TMTC1: variants seen among roughly 807,000 people sequenced by gnomAD.
TMTC1 encodes transmembrane O-mannosyltransferase targeting cadherins 1, also known as protein O-mannosyl-transferase TMTC1.
A neutral mutation model predicts 104.8 loss-of-function variants in TMTC1; 73 were observed. That is an observed-to-expected ratio of 0.70 (90% CI 0.58 to 0.85). The LOEUF is 0.85. TMTC1 is among the 40% of genes least tolerant of loss of function. The pLI is 0.00. For missense variants in TMTC1, 1,035 were observed against 1,096.1 expected (o/e 0.94, Z 0.79); for synonymous variants, 434 against 428.7 (o/e 1.01, Z -0.15).
chr12:29,691,408 A>G (rs2136757267), intron 5 of TMTC1, among the ~76,000 whole-genome samples: 1 of 152,010 alleles, frequency 6.6e-6, no homozygotes, highest in African/African-American at 2.4e-5. Flanking sequence ...ATCCTTAAAA[A>G]CTCAGGTCCC....
intron 5 of TMTC1, among the ~76,000 whole-genome samples, chr12:29,709,869 T>C (rs1941851067): frequency 6.6e-6 from 1 of 152,238 alleles, no homozygotes; most frequent in Admixed American, 6.5e-5. Flanking sequence ...GAGGTTGCTA[T>C]AGGAGTTTAA....
intron 10 of TMTC1, among the ~76,000 whole-genome samples, chr12:29,552,892 A>G (rs1314005456): frequency 6.6e-6 from 1 of 152,246 alleles, no homozygotes; most frequent in African/African-American, 2.4e-5. Context: ...GTCAAATCAA[A>G]TTGAAAGTGT....
intron 5 of TMTC1, among the ~76,000 whole-genome samples, chr12:29,679,645 T>C (rs1940845602): frequency 7.3e-6 from 1 of 137,326 alleles, no homozygotes; most frequent in African/African-American, 2.6e-5. Context: ...TGCTATCATT[T>C]ATCTAAGTAG....
intron 5 of TMTC1, among the ~76,000 whole-genome samples, chr12:29,750,328 A>G (rs2136968310): frequency 6.6e-6 from 1 of 152,278 alleles, no homozygotes. Flanking sequence ...AAATGCCCCC[A>G]GGCTAAGCCA....
At chr12:29,554,284 A>G (rs953548101) in intron 10 of TMTC1, among the ~76,000 whole-genome samples, 2 of 152,224 alleles carry the variant, frequency 1.3e-5, no homozygotes, top group African/African-American at 4.8e-5. Flanking sequence ...TTTTAAAAAG[A>G]GCCTCTTAGA....
At chr12:29,609,599 G>C (rs972302324) in intron 6 of TMTC1, among the ~76,000 whole-genome samples, 1 of 152,204 alleles carries the variant, frequency 6.6e-6, no homozygotes, top group Non-Finnish European at 1.5e-5. Flanking sequence ...TGTCTACTGA[G>C]GCTATCAAAG....
chr12:29,637,946 A>G (rs1938639309), intron 5 of TMTC1, among the ~76,000 whole-genome samples: 1 of 152,210 alleles, frequency 6.6e-6, no homozygotes, highest in Non-Finnish European at 1.5e-5. Flanking sequence ...CATTGGGTCC[A>G]CTGTACACAC....
intron 7 of TMTC1, among the ~76,000 whole-genome samples, chr12:29,603,371 CT>C (rs1205035226): frequency 6.6e-6 from 1 of 151,732 alleles, no homozygotes; most frequent in Non-Finnish European, 1.5e-5. Flanking sequence ...AAAGTTCATA[CT>C]TATAGAAGAA....
At chr12:29,547,119 G>A (rs1221715745) in intron 10 of TMTC1, among the ~76,000 whole-genome samples, 2 of 152,084 alleles carry the variant, frequency 1.3e-5, no homozygotes, top group Non-Finnish European at 2.9e-5. Context: ...AAGCAGTCTG[G>A]CCTGTTTAAT....
intron 2 of TMTC1, among the ~76,000 whole-genome samples, chr12:29,761,319 C>CGTAGGTTG (rs1943343954): frequency 1.3e-5 from 2 of 151,556 alleles, no homozygotes; most frequent in Non-Finnish European, 2.9e-5. Flanking sequence ...ATTGTGCAAC[C>CGTAGGTTG]TACTGTCAAA....
chr12:29,593,369 T>C (rs1243916645), intron 7 of TMTC1, among the ~76,000 whole-genome samples: 1 of 152,220 alleles, frequency 6.6e-6, no homozygotes, highest in African/African-American at 2.4e-5. Flanking sequence ...ACTCTATCAG[T>C]TACACATTAA....
At chr12:29,770,425 T>C (rs1480106574) in intron 1 of TMTC1, among the ~76,000 whole-genome samples, 2 of 152,166 alleles carry the variant, frequency 1.3e-5, no homozygotes, top group South Asian at 4.1e-4. Context: ...ACATGCAGAA[T>C]AGAGAGACTT....
In TMTC1 at chr12:29,668,454, CTTTTTTTTTTTT is replaced by C. The variant is rs66652706; in HGVS notation, c.939-35130_939-35119del. Among the ~76,000 whole-genome samples the C allele has an allele frequency of 7.2e-4, 65 of 90,096 alleles. 2 individuals carry two copies. Among genetic ancestry groups the C allele is most frequent in the African/African-American group, 2.7e-3 (60 of 22,044 alleles). The allele number at this position is 90,096 out of a possible 152,430, so 59.1% of individuals were successfully genotyped here. On this transcript the variant is annotated intron_variant, in intron 5 of 17. Coordinates refer to ENST00000539277, the MANE Select transcript of TMTC1 (RefSeq NM_001193451.2). ...CCACATTCAAACCATACCAACTTAT[CTTTTTTTTTTTT>C]TTTTTTTTTTTTGAGATGGAGTCCC...
At chr12:29,660,779 T>A in intron 5 of TMTC1, 3 of 584,680 alleles carry the variant, frequency 5.1e-6, no homozygotes, top group Non-Finnish European at 4.7e-6. Flanking sequence ...TTCAAAAGTA[T>A]ATATATATAT....
intron 7 of TMTC1, among the ~76,000 whole-genome samples, chr12:29,584,888 C>T (rs1408653038): frequency 1.3e-5 from 2 of 150,598 alleles, no homozygotes; most frequent in Non-Finnish European, 3.0e-5. Flanking sequence ...TGAATAGTGC[C>T]ACAATAAACA....
At chr12:29,745,618 C>CAAAAAAAAAAAAAAA (rs71444341) in intron 5 of TMTC1, among the ~76,000 whole-genome samples, 1 of 84,568 alleles carries the variant, frequency 1.2e-5, no homozygotes, top group African/African-American at 4.5e-5. Flanking sequence ...GAGACTCAAT[C>CAAAAAAAAAAAAAAA]AAAAAAAAAA....
At chr12:29,664,194 TAAAAATAAAAAATAA>T in intron 5 of TMTC1, among the ~76,000 whole-genome samples, 1 of 130,702 alleles carries the variant, frequency 7.7e-6, no homozygotes, top group Non-Finnish European at 1.7e-5. Flanking sequence ...CTCAAAAAAA[TAAAAATAAAAAATAA>T]AAAAATAAAA....
rs113135039 is a variant in TMTC1 at position 29,695,793 on chromosome 12, T to TTATATATATATA, written c.938+55861_938+55872dup. Among the ~76,000 whole-genome samples, 605 of 83,530 alleles carry TTATATATATATA rather than the reference T, an allele frequency of 7.2e-3. 16 individuals are homozygous for TTATATATATATA. The highest frequency in any genetic ancestry group is 0.011 in the African/African-American group (274 of 25,908). The allele number at this position is 83,530 out of a possible 152,430, so 54.8% of individuals were successfully genotyped here. On this transcript the variant is annotated intron_variant, in intron 5 of 17. Transcript: ENST00000539277. The stretch of plus-strand genomic sequence containing the variant: ...TCACAAATTTTAAACTACTTCCTTT[T>TTATATATATATA]TATATATATATATATATATATATAT...
At chr12:29,758,803 G>T in intron 2 of TMTC1, 26 bp from the exon 3 acceptor site, 1 of 1,572,898 alleles carries the variant, frequency 6.4e-7, no homozygotes, top group Non-Finnish European at 8.6e-7. Flanking sequence ...AATAAAAAAT[G>T]AAACTTCAGA....
Sources: gnomAD v4.1 joint callset for allele counts (sites outside exome capture counted in the v4.1 genomes callset) on GRCh38, gnomAD v4.1.1 for gene constraint, MANE v1.5 for transcripts, NCBI Gene and HGNC (gene_info 2026-07-23, HGNC 2026-07-21) for gene names.